HTR7: variants seen among roughly 807,000 people sequenced by gnomAD.
HTR7 encodes the protein 5-hydroxytryptamine receptor 7, also known as 5-HT-7.
A neutral mutation model predicts 34.0 loss-of-function variants in HTR7; 16 were observed. The ratio of observed to expected loss-of-function variants is 0.47; its 90% CI spans 0.32 to 0.71. HTR7 has a LOEUF of 0.71. HTR7 is among the 30% of genes least tolerant of loss of function. The probability of loss-of-function intolerance (pLI) is 0.04; values close to 1 mark genes in which losing one functional copy is unlikely to be tolerated. For synonymous variants in HTR7, 265 were observed against 260.2 expected, an observed-to-expected ratio of 1.02 and a Z score of -0.18; for missense variants, 504 against 625.5, an observed-to-expected ratio of 0.81 and a Z score of 2.07.
chr10:90,840,082 A>G (rs542708827), intron 1 of HTR7, among the ~76,000 whole-genome samples: 1 of 150,226 alleles, frequency 6.7e-6, no homozygotes, highest in Admixed American at 6.7e-5. Flanking sequence ...CACCACCACC[A>G]TCTTCTCTAA....
intron 1 of HTR7, among the ~76,000 whole-genome samples, chr10:90,854,183 G>A (rs1004803753): frequency 6.6e-6 from 1 of 152,186 alleles, no homozygotes; most frequent in African/African-American, 2.4e-5. Context: ...GCAAAACCCC[G>A]TGTCTACTAA....
At chr10:90,755,529 A>C (rs1819216479) in intron 1 of HTR7, among the ~76,000 whole-genome samples, 1 of 152,226 alleles carries the variant, frequency 6.6e-6, no homozygotes, top group African/African-American at 2.4e-5. Flanking sequence ...TGCTGGCCTT[A>C]ACTCACTAAA....
At chr10:90,745,530 C>T (rs573008944) in intron 2 of HTR7, among the ~76,000 whole-genome samples, 1 of 152,272 alleles carries the variant, frequency 6.6e-6, no homozygotes, top group East Asian at 1.9e-4. Context: ...TAAGGTATAT[C>T]CAACAAAATT....
rs1001786627 is a variant in HTR7, at chr10:90,830,712, C to T, written c.539+26421G>A. On this transcript the variant is annotated intron_variant, in intron 1 of 3. Coordinates refer to ENST00000336152, the MANE Select transcript of HTR7 (RefSeq NM_019859.4). ...CTGAGGTGGGAGGATCGCTTAAGCC[C>T]GGGAGATGGAGGCAGCAGTAAGCCA... is the stretch of plus-strand genomic sequence containing the variant. Among the ~76,000 whole-genome samples the T allele has an allele frequency of 8.5e-4, 126 of 148,730 alleles. 4 individuals are homozygous for T. The highest frequency in any genetic ancestry group is 1.6e-3 in the Admixed American group (23 of 14,804).
At chr10:90,787,381 G>T (rs1000823367) in intron 1 of HTR7, among the ~76,000 whole-genome samples, 2 of 152,002 alleles carry the variant, frequency 1.3e-5, no homozygotes, top group Non-Finnish European at 2.9e-5. Flanking sequence ...CCAGCTACTC[G>T]GGAGACAGAG....
At chr10:90,769,628 A>G (rs1845076191) in intron 1 of HTR7, among the ~76,000 whole-genome samples, 2 of 152,366 alleles carry the variant, frequency 1.3e-5, no homozygotes, top group South Asian at 2.1e-4. Flanking sequence ...AATAAGCTTT[A>G]GACTTTACAA....
intron 1 of HTR7, among the ~76,000 whole-genome samples, chr10:90,835,471 C>T: frequency 6.6e-6 from 1 of 152,218 alleles, no homozygotes; most frequent in East Asian, 1.9e-4. Context: ...AGAACTGGGT[C>T]ATCAGTGGTG....
chr10:90,768,421 A>G (rs2119745660), intron 1 of HTR7, among the ~76,000 whole-genome samples: 1 of 152,312 alleles, frequency 6.6e-6, no homozygotes, highest in East Asian at 1.9e-4. Context: ...ACCTTGCTTC[A>G]AATTCTGTTT....
chr10:90,856,333 C>T (rs1419725790), intron 1 of HTR7, among the ~76,000 whole-genome samples: 1 of 152,196 alleles, frequency 6.6e-6, no homozygotes, highest in African/African-American at 2.4e-5. Context: ...AGACTAGCTC[C>T]ATTTCAAAAG....
chr10:90,800,651 C>CA (rs1219263853), intron 1 of HTR7, among the ~76,000 whole-genome samples: 1 of 152,020 alleles, frequency 6.6e-6, no homozygotes. Context: ...TCTTTTTCTT[C>CA]AAACATTCAC....
intron 1 of HTR7, among the ~76,000 whole-genome samples, chr10:90,750,754 C>T (rs548444721): frequency 5.5e-4 from 84 of 152,266 alleles, no homozygotes; most frequent in African/African-American, 2.0e-3. Flanking sequence ...CTTAAATTAT[C>T]CCACAAAAGT....
intron 1 of HTR7, among the ~76,000 whole-genome samples, chr10:90,764,505 T>G (rs1844989834): frequency 6.6e-6 from 1 of 152,224 alleles, no homozygotes; most frequent in South Asian, 2.1e-4. Context: ...CTCACAACTT[T>G]ACTAAATTCA....
intron 1 of HTR7, among the ~76,000 whole-genome samples, chr10:90,825,935 A>G (rs1021389094): frequency 6.6e-6 from 1 of 152,200 alleles, no homozygotes; most frequent in African/African-American, 2.4e-5. Context: ...ATAGGGATTG[A>G]AAGTTTATTC....
intron 1 of HTR7, among the ~76,000 whole-genome samples, chr10:90,830,847 A>G (rs1043838186): frequency 6.6e-6 from 1 of 151,996 alleles, no homozygotes; most frequent in African/African-American, 2.4e-5. Flanking sequence ...ATGCTCCACA[A>G]AAAAGTTAAA....
At chr10:90,754,338 T>C (rs866556257) in intron 1 of HTR7, among the ~76,000 whole-genome samples, 39 of 152,148 alleles carry the variant, frequency 2.6e-4, no homozygotes, top group Admixed American at 6.5e-4. Context: ...CTCTAAATTA[T>C]ACATTCATTC....
chr10:90,841,949 G>A (rs1287050098), intron 1 of HTR7, among the ~76,000 whole-genome samples: 7 of 152,116 alleles, frequency 4.6e-5, no homozygotes, highest in Admixed American at 2.0e-4. Flanking sequence ...GCAGTGAGCC[G>A]AGATCATGCC....
At chr10:90,801,040 C>T (rs1181968418) in intron 1 of HTR7, among the ~76,000 whole-genome samples, 2 of 152,190 alleles carry the variant, frequency 1.3e-5, no homozygotes, top group Non-Finnish European at 2.9e-5. Context: ...CTGCTCTCTT[C>T]TCCTGAGGTT....
chr10:90,819,924 G>C (rs1845952746), intron 1 of HTR7, among the ~76,000 whole-genome samples: 1 of 151,298 alleles, frequency 6.6e-6, no homozygotes, highest in South Asian at 2.1e-4. Context: ...TTTTATTTTA[G>C]TATCAGTTGA....
At chr10:90,778,360 G>A (rs767036730) in intron 1 of HTR7, among the ~76,000 whole-genome samples, 1 of 152,088 alleles carries the variant, frequency 6.6e-6, no homozygotes, top group African/African-American at 2.4e-5. Flanking sequence ...GAGTGGAAGT[G>A]GTAGCTTTAT....
Sources: allele counts gnomAD v4.1 joint callset (sites outside exome capture counted in the v4.1 genomes callset), GRCh38; gene constraint gnomAD v4.1.1; transcripts MANE v1.5; gene names NCBI Gene and HGNC (gene_info 2026-07-23, HGNC 2026-07-21).